Variants in PPP2R3C observed in about 807,000 individuals in gnomAD.
PPP2R3C encodes the protein serine/threonine-protein phosphatase 2A regulatory subunit B'' subunit gamma.
Under a neutral mutation model 63.7 loss-of-function variants are expected in PPP2R3C, and 47 were observed. That is an observed-to-expected ratio of 0.74 (90% CI 0.58 to 0.94). PPP2R3C has a LOEUF of 0.94. Ranked by LOEUF, PPP2R3C falls within the 40% of genes least tolerant of loss-of-function variation. PPP2R3C has a pLI of 0.00. For missense variants in PPP2R3C, 421 were observed against 518.4 expected, an observed-to-expected ratio of 0.81 and a Z score of 1.82; for synonymous variants, 180 against 177.4, an observed-to-expected ratio of 1.01 and a Z score of -0.12.
At chr14:35,088,337 TTC>T (rs1342316772) in intron 11 of PPP2R3C, among the ~76,000 whole-genome samples, 3 of 152,326 alleles carry the variant, frequency 2.0e-5, no homozygotes, top group Admixed American at 6.5e-5. Flanking sequence ...CTCACAATTA[TTC>T]TGTTTGATCT....
Position 35,110,647 on chromosome 14 carries a change from A to G in PPP2R3C, c.187-18T>C, listed in dbSNP as rs745660988. Reference sequence around the variant, plus strand: ...GCAGGCAGCTGAAAATACAAGGTAAATTTCTACATGTAAATTTTAGACTAC... The same window carrying G: ...GCAGGCAGCTGAAAATACAAGGTAAGTTTCTACATGTAAATTTTAGACTAC... On this transcript the variant is annotated intron_variant, in intron 2 of 12. Coordinates refer to ENST00000261475, the MANE Select transcript of PPP2R3C (RefSeq NM_017917.4). 1 of 1,554,116 alleles carries G rather than the reference A, an allele frequency of 6.4e-7. No individual in the cohort carries two copies. Among genetic ancestry groups the G allele is most frequent in the South Asian group, 1.1e-5 (1 of 88,394 alleles).
At chr14:35,110,741 T>C in intron 2 of PPP2R3C, 112 bp from the exon 3 acceptor site, 1 of 667,218 alleles carries the variant, frequency 1.5e-6, no homozygotes, top group Non-Finnish European at 2.5e-6. Context: ...ATTTCTTGTA[T>C]CTCACCTTAA....
intron 1 of PPP2R3C, 54 bp from the exon 2 acceptor site, chr14:35,116,791 C>T (rs2046723552): frequency 7.3e-7 from 1 of 1,369,356 alleles, no homozygotes; most frequent in Non-Finnish European, 9.8e-7. Flanking sequence ...AGTACTTTTA[C>T]TCAGGTCATC....
In PPP2R3C at chr14:35,087,960, TTGAAA is replaced by T; in HGVS notation, c.1159_1163del (p.Phe387ArgfsTer5). On this transcript the variant is annotated frameshift_variant, in exon 12 of 13. Coordinates refer to ENST00000261475, the MANE Select transcript of PPP2R3C (RefSeq NM_017917.4). LOFTEE classifies it high-confidence loss of function. ...TAAAGGAAAAGATAACCTTGACATC[TTGAAA>T]TGAAACAGGATCTTGTCCATGGATT... The T allele has an allele frequency of 2.5e-6, 4 of 1,595,090 alleles. No homozygotes were observed. Among genetic ancestry groups the T allele is most frequent in the Non-Finnish European group, 2.6e-6 (3 of 1,162,826 alleles).
At position 35,095,686 on chromosome 14, in the gene PPP2R3C, C is replaced by CA. The variant is rs111255611; in HGVS notation, c.839-503dup. ...ACACCGTCTCTACTAAAAAAAAAAA[C>CA]AAAAAAAAAAAACATTAGCCGGGTG... On this transcript the variant is annotated intron_variant, in intron 9 of 12. Transcript: ENST00000261475. 2.2e-3 allele frequency among the ~76,000 whole-genome samples: 291 copies of CA among 132,996 alleles called. 2 individuals are homozygous for CA. The highest frequency in any genetic ancestry group is 3.7e-3 in the African/African-American group (131 of 35,370). 87.3% of individuals were successfully genotyped at this position (132,996 alleles called of 152,430 possible).
At chr14:35,119,929 A>G (rs964184080) in intron 1 of PPP2R3C, among the ~76,000 whole-genome samples, 32 of 137,842 alleles carry the variant, frequency 2.3e-4, no homozygotes, top group Non-Finnish European at 3.7e-4. Flanking sequence ...CCGGCTCACT[A>G]CAACCTCCGC....
In PPP2R3C at chr14:35,116,692, A is replaced by T. The variant is rs2046720112; in HGVS notation, c.104T>A (p.Phe35Tyr). 6.3e-7 allele frequency: 1 copy of T among 1,596,578 alleles called. No homozygotes were observed. The highest frequency in any genetic ancestry group is 8.6e-7 in the Non-Finnish European group (1 of 1,168,652). The change falls in exon 2 of 13, where the codon TTT (phenylalanine) becomes TAT (tyrosine). Residue 35 changes from phenylalanine to tyrosine, a missense_variant. Transcript: ENST00000261475. The part of the protein sequence containing the change: ...QELKDEEMDL[F>Y]TKYYSEWKGG... ...TTTCCATTCGGAGTAATATTTTGTAAATAAATCCATTTCTTCATCTTTTAA... is the reference window on the plus strand; with the variant it reads ...TTTCCATTCGGAGTAATATTTTGTATATAAATCCATTTCTTCATCTTTTAA...
chr14:35,101,162 A>C (rs1034476956), intron 6 of PPP2R3C: 2 of 152,138 alleles, frequency 1.3e-5, no homozygotes, highest in African/African-American at 4.8e-5. Flanking sequence ...TTTTTAGTAG[A>C]GACAAGGTTT....
chr14:35,112,145 C>T (rs1005780087), intron 2 of PPP2R3C, among the ~76,000 whole-genome samples: 1 of 152,224 alleles, frequency 6.6e-6, no homozygotes. Flanking sequence ...TGGAGACAGT[C>T]AAGGCAGTGC....
chr14:35,118,568 G>A (rs2046771181), intron 1 of PPP2R3C, among the ~76,000 whole-genome samples: 1 of 151,854 alleles, frequency 6.6e-6, no homozygotes, highest in Non-Finnish European at 1.5e-5. Flanking sequence ...AAACAGGCAT[G>A]CAATAAATAT....
intron 11 of PPP2R3C, among the ~76,000 whole-genome samples, chr14:35,090,651 C>T (rs1349757249): frequency 6.6e-6 from 1 of 151,672 alleles, no homozygotes; most frequent in African/African-American, 2.4e-5. Flanking sequence ...TAACATTTTC[C>T]AGTATATGCA....
intron 2 of PPP2R3C, among the ~76,000 whole-genome samples, chr14:35,112,465 C>T (rs888179920): frequency 1.3e-5 from 2 of 152,134 alleles, no homozygotes; most frequent in African/African-American, 2.4e-5. Flanking sequence ...TAAATTACCT[C>T]GGTAAACCTT....
chr14:35,120,229 A>C (rs981244702), intron 1 of PPP2R3C, among the ~76,000 whole-genome samples: 1 of 149,460 alleles, frequency 6.7e-6, no homozygotes, highest in Non-Finnish European at 1.5e-5. Context: ...GGGACAGGTG[A>C]TGTTCTCCTC....
At chr14:35,108,263 T>A (rs1454021765) in intron 4 of PPP2R3C, 27 bp from the exon 5 acceptor site, 5 of 1,549,232 alleles carry the variant, frequency 3.2e-6, no homozygotes, top group Admixed American at 2.3e-5. Context: ...AAGATTTAAA[T>A]GATCTGCCAA....
intron 4 of PPP2R3C, 68 bp from the exon 5 acceptor site, chr14:35,108,304 G>A: frequency 6.8e-7 from 1 of 1,468,618 alleles, no homozygotes; most frequent in Non-Finnish European, 9.0e-7. Flanking sequence ...ACATAAATTA[G>A]CAAACAATGG....
intron 12 of PPP2R3C, chr14:35,087,441 C>T (rs2045644473): frequency 1.3e-5 from 2 of 157,234 alleles, no homozygotes; most frequent in South Asian, 1.9e-4. Context: ...CTCTTGTTGT[C>T]CAGGCTGGAG....
chr14:35,119,833 A>G (rs2046811796), intron 1 of PPP2R3C, among the ~76,000 whole-genome samples: 1 of 145,482 alleles, frequency 6.9e-6, no homozygotes, highest in Non-Finnish European at 1.5e-5. Flanking sequence ...CTTAAATAGG[A>G]GCATGGACAG....
intron 2 of PPP2R3C, among the ~76,000 whole-genome samples, chr14:35,113,604 C>G (rs1595125090): frequency 6.6e-6 from 1 of 152,122 alleles, no homozygotes; most frequent in Non-Finnish European, 1.5e-5. Flanking sequence ...TGCATTCCCA[C>G]TGATCACAAA....
intron 2 of PPP2R3C, among the ~76,000 whole-genome samples, chr14:35,116,043 A>C (rs568707816): frequency 2.0e-4 from 31 of 152,244 alleles, no homozygotes; most frequent in Middle Eastern, 3.4e-3. Context: ...CTTACTACTA[A>C]TATCTATAAT....
Sources: allele counts gnomAD v4.1 joint callset (sites outside exome capture counted in the v4.1 genomes callset), GRCh38; gene constraint gnomAD v4.1.1; transcripts MANE v1.5; gene names NCBI Gene and HGNC (gene_info 2026-07-23, HGNC 2026-07-21).